Variants in TMEM131L observed in about 807,000 individuals in gnomAD.
TMEM131L encodes the protein transmembrane 131 like.
A neutral mutation model predicts 192.2 loss-of-function variants in TMEM131L; 54 were observed. The observed-to-expected ratio is 0.28, with a 90% CI of 0.23 to 0.35. The LOEUF (loss-of-function observed/expected upper bound fraction) is 0.35. Ranked by LOEUF, TMEM131L falls within the 10% of genes least tolerant of loss-of-function variation. The pLI, the probability that TMEM131L is intolerant of heterozygous loss-of-function variation, is 1.00. For missense variants in TMEM131L, 1,888 were observed against 1,972.9 expected (o/e 0.96, Z 0.82); for synonymous variants, 701 against 704.9 (o/e 0.99, Z 0.09).
intron 7 of TMEM131L, 30 bp downstream of exon 7, chr4:153,558,398 G>T: frequency 7.4e-7 from 1 of 1,355,070 alleles, no homozygotes. Flanking sequence ...TTTGAATGCT[G>T]GTGGCCACCA....
Position 153,623,072 on chromosome 4 carries a change from TC to T in TMEM131L, c.4036del (p.Leu1346CysfsTer20). 6.2e-7 allele frequency: 1 copy of T among 1,603,530 alleles called. No individual in the cohort carries two copies. Among genetic ancestry groups the T allele is most frequent in the Non-Finnish European group, 8.5e-7 (1 of 1,175,180 alleles). On this transcript the variant is annotated frameshift_variant, in exon 29 of 35. Transcript: ENST00000409959. LOFTEE classifies it high-confidence loss of function. ...AAGCCCATGGTGGACGCCCAGCACT[TC>T]CTGCCGGCCGGTGAGTCCTGAGCAG... The part of the protein sequence containing the change: ...DKKPMVDAQH[F>X]LPAGDSVSQN...
At chr4:153,582,649 A>T (rs1730441718) in intron 9 of TMEM131L, among the ~76,000 whole-genome samples, 1 of 151,972 alleles carries the variant, frequency 6.6e-6, no homozygotes, top group African/African-American at 2.4e-5. Context: ...GTGCTGGATC[A>T]GCAGGAGAGC....
At chr4:153,569,010 G>T (rs919694969) in intron 7 of TMEM131L, among the ~76,000 whole-genome samples, 3 of 152,140 alleles carry the variant, frequency 2.0e-5, no homozygotes, top group African/African-American at 7.2e-5. Flanking sequence ...GTGTAGAGAG[G>T]AGGAGGAAAG....
At chr4:153,566,198 C>T (rs1320019067) in intron 7 of TMEM131L, among the ~76,000 whole-genome samples, 2 of 151,612 alleles carry the variant, frequency 1.3e-5, no homozygotes, top group African/African-American at 4.9e-5. Context: ...TGCAGTGGCG[C>T]AATCTCGGCT....
chr4:153,636,554 C>G lies in TMEM131L; in HGVS notation c.4811C>G (p.Ser1604Trp), dbSNP rs772789142. Residue 1604 changes from serine (S) to tryptophan (W), a missense_variant, in exon 35 of 35, where the codon TCG (serine) becomes TGG (tryptophan). Ser to Trp is a radical substitution (Grantham distance 177). Transcript: ENST00000409959. ...RNANFPLSRD[S>W]SYCGNV ...GCAAATTTCCCACTGTCTAGAGACT[C>G]GAGTTACTGTGGGAATGTGTGAAAA... 6.2e-7 allele frequency: 1 copy of G among 1,613,194 alleles called. No homozygotes were observed. Among genetic ancestry groups the G allele is most frequent in the South Asian group, 1.1e-5 (1 of 91,028 alleles).
In TMEM131L at chr4:153,550,053, CCT is replaced by C. The variant is rs149562943; in HGVS notation, c.240-15_240-14del. 474 of 1,325,576 alleles carry C rather than the reference CCT, an allele frequency of 3.6e-4. 2 individuals are homozygous for C. The East Asian group carries it at 0.011, about 32-fold the overall frequency. 82.1% of individuals were successfully genotyped at this position (1,325,576 alleles called of 1,614,324 possible). A position where few individuals can be genotyped will look rare whatever the true frequency, so the allele number is the denominator to read the frequency against. ...AATGTTAAAACTACAACAAAATCAACCTCTCTTTTCTTTTTTTAGCTTCTCGG... is the reference window on the plus strand; with the variant it reads ...AATGTTAAAACTACAACAAAATCAACCTCTTTTCTTTTTTTAGCTTCTCGG... On this transcript the variant is annotated intron_variant, in intron 3 of 34. Coordinates refer to ENST00000409959, the MANE Select transcript of TMEM131L (RefSeq NM_001131007.2).
At chr4:153,505,097 CT>C (rs904832478) in intron 3 of TMEM131L, among the ~76,000 whole-genome samples, 4 of 149,740 alleles carry the variant, frequency 2.7e-5, no homozygotes, top group African/African-American at 9.8e-5. Context: ...CTTTCCATTT[CT>C]TTCTTTCTTT....
At chr4:153,469,889 G>C (rs1362797944) in intron 2 of TMEM131L, among the ~76,000 whole-genome samples, 1 of 152,108 alleles carries the variant, frequency 6.6e-6, no homozygotes, top group Non-Finnish European at 1.5e-5. Flanking sequence ...TCGCGCTGAA[G>C]CACTCCAGCC....
chr4:153,573,994 A>G (rs1729766944), intron 7 of TMEM131L, among the ~76,000 whole-genome samples: 1 of 152,204 alleles, frequency 6.6e-6, no homozygotes, highest in South Asian at 2.1e-4. Context: ...TATCTCATTT[A>G]GCACCCATCA....
chr4:153,602,864 C>T lies in TMEM131L; in HGVS notation c.2639+137C>T, dbSNP rs1731943194. On this transcript the variant is annotated intron_variant, in intron 23 of 34. Coordinates refer to ENST00000409959, the MANE Select transcript of TMEM131L (RefSeq NM_001131007.2). ...ATTGTTACTGCTTCAAGAACTGTGA[C>T]ATCCATGAAGTATTCACTGGTACAC... 3.9e-6 allele frequency: 3 copies of T among 778,092 alleles called. 1 individual carries two copies. Among genetic ancestry groups the T allele is most frequent in the South Asian group, 3.4e-5 (2 of 58,214 alleles). 48.2% of individuals were successfully genotyped at this position (778,092 alleles called of 1,614,324 possible). A position where few individuals can be genotyped will look rare whatever the true frequency, so the allele number is the denominator to read the frequency against.
At chr4:153,473,982 A>G (rs1731346937) in intron 3 of TMEM131L, 94 bp downstream of exon 3, 4 of 752,584 alleles carry the variant, frequency 5.3e-6, no homozygotes, top group South Asian at 3.7e-5. Context: ...ATGTTTATGT[A>G]TTTAGTAGTA....
intron 18 of TMEM131L, 81 bp from the exon 19 acceptor site, chr4:153,593,718 A>G (rs571544373): frequency 9.0e-6 from 8 of 888,332 alleles, no homozygotes; most frequent in South Asian, 8.1e-5. Flanking sequence ...GTATAAATGT[A>G]TATATGTGCA....
chr4:153,552,954 T>G (rs988507929), intron 4 of TMEM131L, among the ~76,000 whole-genome samples: 2 of 152,074 alleles, frequency 1.3e-5, no homozygotes, highest in East Asian at 3.9e-4. Flanking sequence ...TGTTTTTTTT[T>G]TTCCCTCAAA....
In TMEM131L at chr4:153,504,924, G is replaced by A. The variant is rs138605507; in HGVS notation, c.239+31036G>A. ...CCAGCCTTGCTGAGTTGTAACAGAG[G>A]TTAGGTTTCCAGGGGGGCATGTGTG... On this transcript the variant is annotated intron_variant, in intron 3 of 34. Transcript: ENST00000409959. Among the ~76,000 whole-genome samples, 440 of 152,252 alleles carry A rather than the reference G, an allele frequency of 2.9e-3. 1 individual carries two copies. The highest frequency in any genetic ancestry group is 9.7e-3 in the African/African-American group (404 of 41,532).
rs78671108 is a variant in TMEM131L at position 153,583,813 on chromosome 4, A to G, written c.1060+141A>G. The G allele has an allele frequency of 4.8e-3, 2,980 of 620,822 alleles. 68 individuals are homozygous for G. The highest frequency in any genetic ancestry group is 0.048 in the African/African-American group (2,579 of 53,934). 38.5% of individuals were successfully genotyped at this position (620,822 alleles called of 1,614,324 possible). On this transcript the variant is annotated intron_variant, in intron 11 of 34. Coordinates refer to ENST00000409959, the MANE Select transcript of TMEM131L (RefSeq NM_001131007.2). ...GATTTCAAGAAGTCCCAGCCTTAGT[A>G]GTTCTAAGATAGTATGATGTAGAAA...
chr4:153,483,020 A>G (rs1238193115), intron 3 of TMEM131L, among the ~76,000 whole-genome samples: 1 of 152,248 alleles, frequency 6.6e-6, no homozygotes, highest in Non-Finnish European at 1.5e-5. Flanking sequence ...TTAAAGAATT[A>G]CTTAATTCTT....
At chr4:153,583,961 G>T (rs370653943) in intron 11 of TMEM131L, among the ~76,000 whole-genome samples, 37 of 152,312 alleles carry the variant, frequency 2.4e-4, no homozygotes, top group African/African-American at 8.4e-4. Context: ...AGTCTATGCA[G>T]GCTGTTTTTG....
intron 30 of TMEM131L, 83 bp from the exon 31 acceptor site, chr4:153,627,522 C>T: frequency 5.8e-6 from 6 of 1,027,752 alleles, no homozygotes; most frequent in Non-Finnish European, 9.0e-6. Flanking sequence ...TGAGTGAAAA[C>T]TCAATCAGAC....
chr4:153,563,465 T>C (rs1728979779), intron 7 of TMEM131L, among the ~76,000 whole-genome samples: 1 of 130,696 alleles, frequency 7.7e-6, no homozygotes, highest in African/African-American at 3.0e-5. Flanking sequence ...CCTTTTTTTT[T>C]TTTTTTTTTT....
Sources: allele counts gnomAD v4.1 joint callset (sites outside exome capture counted in the v4.1 genomes callset), GRCh38; gene constraint gnomAD v4.1.1; transcripts MANE v1.5; gene names NCBI Gene and HGNC (gene_info 2026-07-23, HGNC 2026-07-21).